Variants in DENND1A observed in about 807,000 individuals in gnomAD.
The protein encoded by DENND1A is DENN domain containing 1A.
Under a neutral mutation model 113.7 loss-of-function variants are expected in DENND1A, and 51 were observed. The observed-to-expected ratio is 0.45, with a 90% CI of 0.36 to 0.57. The LOEUF is 0.57. DENND1A is among the 20% of genes least tolerant of loss of function. The pLI is 0.00. For synonymous variants in DENND1A, 565 were observed against 570.8 expected (o/e 0.99, Z 0.14); for missense variants, 1,258 against 1,395.9 (o/e 0.90, Z 1.57).
At chr9:123,593,066 G>A (rs1043466972) in intron 11 of DENND1A, among the ~76,000 whole-genome samples, 4 of 152,156 alleles carry the variant, frequency 2.6e-5, no homozygotes, top group South Asian at 2.1e-4. Context: ...GTTTGTGAAG[G>A]CAGACAGCTC....
At chr9:123,434,745 G>A (rs2046390064) in intron 19 of DENND1A, among the ~76,000 whole-genome samples, 1 of 152,188 alleles carries the variant, frequency 6.6e-6, no homozygotes. Flanking sequence ...AGGTCACAAA[G>A]GGGCCAAGGA....
At position 123,627,006 on chromosome 9, in the gene DENND1A, T is replaced by C. The variant is rs143968928; in HGVS notation, c.719+3370A>G. 1.2e-3 allele frequency among the ~76,000 whole-genome samples: 179 copies of C among 152,234 alleles called. 1 individual carries two copies. The Middle Eastern group carries it at 0.017, about 14-fold the overall frequency. Reference sequence around the variant, plus strand: ...CAGCCTTGGGTGAGAAGGAGGGCAGTTGTGGGAACACAGACCCTATGTCCC... The same window carrying C: ...CAGCCTTGGGTGAGAAGGAGGGCAGCTGTGGGAACACAGACCCTATGTCCC... On this transcript the variant is annotated intron_variant, in intron 10 of 23. Transcript: ENST00000394215.
At chr9:123,663,354 C>G (rs1286827576) in intron 8 of DENND1A, among the ~76,000 whole-genome samples, 1 of 152,136 alleles carries the variant, frequency 6.6e-6, no homozygotes, top group African/African-American at 2.4e-5. Flanking sequence ...CAATTTGTAT[C>G]ATCTTTGATC....
At chr9:123,486,719 C>G (rs1044871396) in intron 13 of DENND1A, among the ~76,000 whole-genome samples, 5 of 152,176 alleles carry the variant, frequency 3.3e-5, no homozygotes, top group Admixed American at 1.3e-4. Context: ...CCCTGATATC[C>G]AACTCCTCAC....
At chr9:123,924,060 G>C (rs1477362493) in intron 1 of DENND1A, among the ~76,000 whole-genome samples, 1 of 152,300 alleles carries the variant, frequency 6.6e-6, no homozygotes, top group Admixed American at 6.5e-5. Flanking sequence ...AATGTGGTAT[G>C]TCCATACAAT....
In DENND1A at chr9:123,684,305, C is replaced by G. The variant is rs374315409; in HGVS notation, c.303-7516G>C. On this transcript the variant is annotated intron_variant, in intron 5 of 23. Coordinates refer to ENST00000394215, the MANE Select transcript of DENND1A (RefSeq NM_001352964.2). The stretch of plus-strand genomic sequence containing the variant: ...CCAGTCTGCTCCAAACATTTTTCCT[C>G]TTCTGTCCCTCTCTTCAGAAGATAC... 4.6e-5 allele frequency among the ~76,000 whole-genome samples: 7 copies of G among 152,278 alleles called. No individual in the cohort carries two copies. In the East Asian group the frequency reaches 1.2e-3, roughly 25 times the overall value.
At chr9:123,383,961 G>A (rs773198671) in intron 22 of DENND1A, 48 bp from the exon 23 acceptor site, 3 of 1,576,272 alleles carry the variant, frequency 1.9e-6, no homozygotes, top group Non-Finnish European at 1.7e-6. Context: ...GCCTTCAGGG[G>A]AGGAGCAAGC....
At chr9:123,770,351 T>C (rs1378369247) in intron 3 of DENND1A, among the ~76,000 whole-genome samples, 1 of 152,186 alleles carries the variant, frequency 6.6e-6, no homozygotes, top group Non-Finnish European at 1.5e-5. Context: ...GGTGACATTT[T>C]AACAACTTAT....
intron 13 of DENND1A, among the ~76,000 whole-genome samples, chr9:123,486,903 G>C (rs544243155): frequency 6.6e-5 from 10 of 152,258 alleles, no homozygotes; most frequent in Admixed American, 4.6e-4. Flanking sequence ...CACAGGGGTG[G>C]GCATGCGACC....
chr9:123,607,989 T>A (rs959483128), intron 11 of DENND1A, among the ~76,000 whole-genome samples: 2 of 152,110 alleles, frequency 1.3e-5, no homozygotes, highest in Admixed American at 1.3e-4. Context: ...AGTATTTACT[T>A]TGAATTTCAA....
chr9:123,892,525 G>A (rs1850078875), intron 1 of DENND1A, among the ~76,000 whole-genome samples: 1 of 152,208 alleles, frequency 6.6e-6, no homozygotes. Flanking sequence ...GACTGCCTCA[G>A]ATTACTCCCC....
intron 1 of DENND1A, among the ~76,000 whole-genome samples, chr9:123,918,401 T>G (rs1476241161): frequency 6.7e-6 from 1 of 150,124 alleles, no homozygotes; most frequent in East Asian, 2.0e-4. Flanking sequence ...AGCAGGAGAA[T>G]GGCGTGAACC....
chr9:123,556,687 G>A (rs970324012), intron 13 of DENND1A, among the ~76,000 whole-genome samples: 2 of 152,224 alleles, frequency 1.3e-5, no homozygotes, highest in African/African-American at 2.4e-5. Context: ...CGTTCAAGAC[G>A]AAGGCAGCCC....
chr9:123,770,014 A>G (rs560820528), intron 3 of DENND1A, among the ~76,000 whole-genome samples: 1 of 152,296 alleles, frequency 6.6e-6, no homozygotes, highest in East Asian at 1.9e-4. Flanking sequence ...CCCAACATCA[A>G]TAGGCCAAAT....
At chr9:123,414,550 G>T (rs983525426) in intron 19 of DENND1A, 2 of 1,550,160 alleles carry the variant, frequency 1.3e-6, no homozygotes, top group Non-Finnish European at 1.7e-6. Flanking sequence ...TCTGAGAAAT[G>T]CTGTCTTCTG....
intron 1 of DENND1A, among the ~76,000 whole-genome samples, chr9:123,914,879 A>T (rs1854803823): frequency 6.6e-6 from 1 of 152,102 alleles, no homozygotes; most frequent in Non-Finnish European, 1.5e-5. Context: ...CCCACCTCCA[A>T]CACTGGGAAT....
chr9:123,426,324 G>A (rs2045729500), intron 19 of DENND1A, among the ~76,000 whole-genome samples: 1 of 152,220 alleles, frequency 6.6e-6, no homozygotes, highest in African/African-American at 2.4e-5. Flanking sequence ...AGAGACACAG[G>A]ACCCCAGGGA....
chr9:123,635,714 G>C (rs2061670270), intron 9 of DENND1A, among the ~76,000 whole-genome samples: 1 of 152,182 alleles, frequency 6.6e-6, no homozygotes, highest in African/African-American at 2.4e-5. Context: ...TTAACCCACA[G>C]GAAATTCTAG....
chr9:123,457,974 G>A, intron 13 of DENND1A, 77 bp from the exon 14 acceptor site: 2 of 1,044,352 alleles, frequency 1.9e-6, no homozygotes, highest in Non-Finnish European at 2.8e-6. Flanking sequence ...TATTTGCAGA[G>A]TTTCTCCATC....
Sources: gnomAD v4.1 joint callset for allele counts (sites outside exome capture counted in the v4.1 genomes callset) on GRCh38, gnomAD v4.1.1 for gene constraint, MANE v1.5 for transcripts, NCBI Gene and HGNC (gene_info 2026-07-23, HGNC 2026-07-21) for gene names.